The following CLEC2D variants were observed in gnomAD, a reference collection of about 807,000 sequenced individuals.
CLEC2D encodes C-type lectin related f.
Under a neutral mutation model 20.0 loss-of-function variants are expected in CLEC2D, and 16 were observed. The observed-to-expected ratio is 0.80, with a 90% CI of 0.54 to 1.22. The LOEUF (loss-of-function observed/expected upper bound fraction) is 1.22, where lower values mean the gene tolerates loss of function less well. Among genes scored for constraint, CLEC2D ranks in the 50% most tolerant of loss-of-function variants. The pLI is 0.00. For synonymous variants in CLEC2D, 77 were observed against 71.1 expected (o/e 1.08, Z -0.42); for missense variants, 207 against 221.5 (o/e 0.93, Z 0.42).
intron 1 of CLEC2D, 29 bp from the exon 2 acceptor site, chr12:9,680,894 T>A (rs764588964): frequency 6.3e-6 from 7 of 1,110,678 alleles, no homozygotes; most frequent in Non-Finnish European, 8.2e-6. Context: ...TATTTAATTG[T>A]TAAAATGTTT....
At chr12:9,671,665 A>G (rs967700694) in intron 1 of CLEC2D, among the ~76,000 whole-genome samples, 2 of 152,168 alleles carry the variant, frequency 1.3e-5, no homozygotes, top group Non-Finnish European at 2.9e-5. Flanking sequence ...ACTCTATTTG[A>G]GATAGGAGTT....
chr12:9,686,036 C>G (rs1294410573), intron 2 of CLEC2D, among the ~76,000 whole-genome samples: 1 of 152,022 alleles, frequency 6.6e-6, no homozygotes, highest in Admixed American at 6.6e-5. Flanking sequence ...GTGGGAAAAG[C>G]GTAGTATCTG....
chr12:9,692,512 A>G (rs1449419246), intron 3 of CLEC2D, among the ~76,000 whole-genome samples: 7 of 152,218 alleles, frequency 4.6e-5, no homozygotes, highest in Non-Finnish European at 8.8e-5. Flanking sequence ...AGAATGTCAT[A>G]GTAGCATACA....
chr12:9,694,703 C>G (rs1865938903), intron 4 of CLEC2D, 57 bp from the exon 5 acceptor site: 6 of 901,516 alleles, frequency 6.7e-6, no homozygotes, highest in Non-Finnish European at 9.4e-6. Flanking sequence ...CATCTTCATT[C>G]TCTCTGCTGT....
In CLEC2D at chr12:9,679,144, A is replaced by T. The variant is rs547181887; in HGVS notation, c.62-1779A>T. ...ATAAGCATATAAATATATATAAAAG[A>T]TGTATACATAAGCACACATAATTAA... is the stretch of plus-strand genomic sequence containing the variant. On this transcript the variant is annotated intron_variant, in intron 1 of 4. Coordinates refer to ENST00000290855, the MANE Select transcript of CLEC2D (RefSeq NM_013269.6). Among the ~76,000 whole-genome samples the T allele has an allele frequency of 4.6e-5, 7 of 152,278 alleles. No homozygotes were observed. The South Asian group carries it at 1.4e-3, about 32-fold the overall frequency.
At position 9,695,196 on chromosome 12, in the gene CLEC2D, T is replaced by C. The variant is rs945147222; in HGVS notation, c.*322T>C. On this transcript the variant is annotated 3_prime_UTR_variant, in exon 5 of 5. Transcript: ENST00000290855. ...AGAAGGCAAATGGGAAGCAAAGTCA[T>C]GTCTTATGTGGTGGCAGGCAGGGGG... The C allele has an allele frequency of 6.7e-6, 4 of 594,102 alleles. No homozygotes were observed. The highest frequency in any genetic ancestry group is 1.2e-5 in the Non-Finnish European group (4 of 333,540). 36.8% of individuals were successfully genotyped at this position (594,102 alleles called of 1,614,324 possible).
rs1433179167 is a variant in CLEC2D, at chr12:9,698,911, T to C, written c.*4037T>C. ...AGTTCTCTGAAGTTCCTTTATCTGC[T>C]TTAAGTTCAGACTCACCAAATAAGA... On this transcript the variant is annotated 3_prime_UTR_variant, in exon 5 of 5. Coordinates refer to ENST00000290855, the MANE Select transcript of CLEC2D (RefSeq NM_013269.6). 6.6e-6 allele frequency: 1 copy of C among 152,170 alleles called. No individual in the cohort carries two copies. Among genetic ancestry groups the C allele is most frequent in the Non-Finnish European group, 1.5e-5 (1 of 68,016 alleles). 9.4% of individuals were successfully genotyped at this position (152,170 alleles called of 1,614,324 possible). A position where few individuals can be genotyped will look rare whatever the true frequency, so the allele number is the denominator to read the frequency against.
At chr12:9,679,982 C>A (rs1865601238) in intron 1 of CLEC2D, among the ~76,000 whole-genome samples, 1 of 152,082 alleles carries the variant, frequency 6.6e-6, no homozygotes. Context: ...AAGATAAACA[C>A]CTTTGTTGAC....
intron 4 of CLEC2D, among the ~76,000 whole-genome samples, chr12:9,694,156 G>C (rs1031984132): frequency 6.6e-6 from 1 of 151,734 alleles, no homozygotes; most frequent in African/African-American, 2.4e-5. Context: ...TAACTAACCA[G>C]TTTTTGGAAA....
intron 1 of CLEC2D, among the ~76,000 whole-genome samples, chr12:9,680,500 A>G (rs763056153): frequency 1.4e-4 from 21 of 152,252 alleles, no homozygotes; most frequent in African/African-American, 4.3e-4. Flanking sequence ...TTATCACTCC[A>G]GTTTTGCCTT....
chr12:9,680,133 C>T (rs986525540), intron 1 of CLEC2D: 3 of 188,468 alleles, frequency 1.6e-5, no homozygotes, highest in South Asian at 7.7e-5. Flanking sequence ...CTTGTGATAG[C>T]GAGTGAGTTT....
At position 9,695,111 on chromosome 12, in the gene CLEC2D, A is replaced by G; in HGVS notation, c.*237A>G. 1 of 574,082 alleles carries G rather than the reference A, an allele frequency of 1.7e-6. No individual in the cohort carries two copies. The highest frequency in any genetic ancestry group is 2.9e-5 in the East Asian group (1 of 34,688). The allele number at this position is 574,082 out of a possible 1,614,324, so 35.6% of individuals were successfully genotyped here. A position where few individuals can be genotyped will look rare whatever the true frequency, so the allele number is the denominator to read the frequency against. ...ATACCCGAGACTGAGTAATTTATAA[A>G]TAAAAGAGATTTAATTGACTCATAG... On this transcript the variant is annotated 3_prime_UTR_variant, in exon 5 of 5. Transcript: ENST00000290855.
chr12:9,694,916 G>A lies in CLEC2D; in HGVS notation c.*42G>A, dbSNP rs773339439. ...CCAACTAATCTTTAGAAGCATATTG[G>A]AACTGATAACTCCATTTTAAAATGA... On this transcript the variant is annotated 3_prime_UTR_variant, in exon 5 of 5. Coordinates refer to ENST00000290855, the MANE Select transcript of CLEC2D (RefSeq NM_013269.6). 5 of 1,024,884 alleles carry A rather than the reference G, an allele frequency of 4.9e-6. No homozygotes were observed. In the African/African-American group the frequency reaches 6.3e-5, roughly 13 times the overall value. 63.5% of individuals were successfully genotyped at this position (1,024,884 alleles called of 1,614,324 possible). A position where few individuals can be genotyped will look rare whatever the true frequency, so the allele number is the denominator to read the frequency against.
chr12:9,675,525 T>G (rs1411990223), intron 1 of CLEC2D, among the ~76,000 whole-genome samples: 3 of 152,216 alleles, frequency 2.0e-5, no homozygotes, highest in African/African-American at 7.2e-5. Flanking sequence ...AATACCACAC[T>G]GTCTTGATTA....
intron 1 of CLEC2D, among the ~76,000 whole-genome samples, chr12:9,679,160 A>C (rs1050967813): frequency 1.3e-5 from 2 of 152,158 alleles, no homozygotes; most frequent in African/African-American, 4.8e-5. Context: ...ACATAAGCAC[A>C]CATAATTAAA....
chr12:9,669,875 G>C, intron 1 of CLEC2D, 80 bp downstream of exon 1: 1 of 1,136,052 alleles, frequency 8.8e-7, no homozygotes, highest in South Asian at 1.3e-5. Flanking sequence ...CACAGGAAAG[G>C]TGCTGATCTA....
chr12:9,692,522 A>T (rs1423185875), intron 3 of CLEC2D, among the ~76,000 whole-genome samples: 2 of 152,204 alleles, frequency 1.3e-5, no homozygotes, highest in Non-Finnish European at 2.9e-5. Flanking sequence ...AGTAGCATAC[A>T]TTCCAAACTT....
At chr12:9,687,004 A>T (rs567822845) in intron 2 of CLEC2D, among the ~76,000 whole-genome samples, 1 of 152,226 alleles carries the variant, frequency 6.6e-6, no homozygotes, top group East Asian at 1.9e-4. Flanking sequence ...TGGAGCAGCA[A>T]TCGCCAACCT....
chr12:9,685,271 A>G (rs756669147), intron 2 of CLEC2D, among the ~76,000 whole-genome samples: 2 of 152,304 alleles, frequency 1.3e-5, no homozygotes, highest in South Asian at 2.1e-4. Context: ...TGAGGTGCCT[A>G]TCAACCCCTG....
Sources: gnomAD v4.1 joint callset for allele counts (sites outside exome capture counted in the v4.1 genomes callset) on GRCh38, gnomAD v4.1.1 for gene constraint, MANE v1.5 for transcripts, NCBI Gene and HGNC (gene_info 2026-07-23, HGNC 2026-07-21) for gene names.